Variants in CDKAL1 observed in about 807,000 individuals in gnomAD.
CDKAL1 encodes threonylcarbamoyladenosine tRNA methylthiotransferase.
CDKAL1 carries 32 observed loss-of-function variants against 68.2 expected under a neutral mutation model. That is an observed-to-expected ratio of 0.47 (90% CI 0.35 to 0.63). The LOEUF is 0.63. CDKAL1 is among the 30% of genes least tolerant of loss of function. The pLI, the probability that CDKAL1 is intolerant of heterozygous loss-of-function variation, is 0.00. For synonymous variants in CDKAL1, 234 were observed against 244.3 expected (o/e 0.96, Z 0.39); for missense variants, 606 against 696.7 (o/e 0.87, Z 1.47).
At chr6:20,627,963 TTATTC>T (rs558104086) in intron 4 of CDKAL1, among the ~76,000 whole-genome samples, 12 of 152,180 alleles carry the variant, frequency 7.9e-5, no homozygotes, top group Non-Finnish European at 1.8e-4. Flanking sequence ...AGAAGTCACT[TTATTC>T]TAGGAGTTTT....
At chr6:20,822,569 C>T (rs750763823) in intron 8 of CDKAL1, among the ~76,000 whole-genome samples, 1 of 152,156 alleles carries the variant, frequency 6.6e-6, no homozygotes, top group Non-Finnish European at 1.5e-5. Context: ...GTGTCCTCAC[C>T]CAAATCTCAT....
chr6:20,766,846 A>G (rs961411882), intron 7 of CDKAL1, among the ~76,000 whole-genome samples: 3 of 152,120 alleles, frequency 2.0e-5, no homozygotes, highest in Non-Finnish European at 2.9e-5. Flanking sequence ...AATCCCAGAA[A>G]GAATTTGTAT....
chr6:21,212,159 G>A (rs902713377), intron 15 of CDKAL1, among the ~76,000 whole-genome samples: 1 of 152,156 alleles, frequency 6.6e-6, no homozygotes, highest in South Asian at 2.1e-4. Flanking sequence ...GTCTGCCCAC[G>A]ACTGGCTCCA....
At chr6:21,075,495 A>G (rs974631005) in intron 12 of CDKAL1, among the ~76,000 whole-genome samples, 1 of 152,194 alleles carries the variant, frequency 6.6e-6, no homozygotes, top group Admixed American at 6.5e-5. Context: ...AAAAAAGAGT[A>G]TAATCCTCTT....
At chr6:21,146,078 A>G (rs923036723) in intron 13 of CDKAL1, among the ~76,000 whole-genome samples, 2 of 152,178 alleles carry the variant, frequency 1.3e-5, no homozygotes, top group Non-Finnish European at 2.9e-5. Flanking sequence ...CTAAACTGCT[A>G]ATATCCAATG....
chr6:20,682,144 A>G (rs1770407720), intron 5 of CDKAL1, among the ~76,000 whole-genome samples: 1 of 152,186 alleles, frequency 6.6e-6, no homozygotes. Context: ...ATTGTAGCAT[A>G]TGAATTTGGG....
At chr6:20,555,502 G>A (rs970237757) in intron 4 of CDKAL1, among the ~76,000 whole-genome samples, 1 of 151,570 alleles carries the variant, frequency 6.6e-6, no homozygotes, top group African/African-American at 2.4e-5. Flanking sequence ...TGAATTTTTA[G>A]TGGAGACGGG....
chr6:21,001,662 G>A (rs1003827566), intron 11 of CDKAL1, among the ~76,000 whole-genome samples: 5 of 152,176 alleles, frequency 3.3e-5, no homozygotes, highest in African/African-American at 9.7e-5. Flanking sequence ...TTAGGCTAAA[G>A]AATATAGATT....
At chr6:20,881,506 T>C (rs1581755244) in intron 9 of CDKAL1, among the ~76,000 whole-genome samples, 1 of 152,374 alleles carries the variant, frequency 6.6e-6, no homozygotes, top group African/African-American at 2.4e-5. Context: ...TCTAACTTGA[T>C]CTCTTTTACA....
intron 4 of CDKAL1, among the ~76,000 whole-genome samples, chr6:20,562,863 T>C (rs1764322220): frequency 6.6e-6 from 1 of 152,214 alleles, no homozygotes; most frequent in African/African-American, 2.4e-5. Flanking sequence ...GAATATACGG[T>C]AGACAAGAGG....
chr6:20,966,735 A>G (rs1285986478), intron 10 of CDKAL1, among the ~76,000 whole-genome samples: 1 of 152,192 alleles, frequency 6.6e-6, no homozygotes, highest in Non-Finnish European at 1.5e-5. Context: ...GTTTAATGTT[A>G]AAATATTTTT....
chr6:21,026,150 CATAGAAGCA>C (rs1768942617), intron 11 of CDKAL1, among the ~76,000 whole-genome samples: 1 of 151,950 alleles, frequency 6.6e-6, no homozygotes. Flanking sequence ...AGGTGGAGAT[CATAGAAGCA>C]AGTTAAAATT....
chr6:20,949,909 C>T (rs1183579936), intron 9 of CDKAL1, among the ~76,000 whole-genome samples: 1 of 152,016 alleles, frequency 6.6e-6, no homozygotes, highest in African/African-American at 2.4e-5. Flanking sequence ...CCTGTCTCAG[C>T]CTCCCAGGTA....
intron 8 of CDKAL1, among the ~76,000 whole-genome samples, chr6:20,807,212 C>T (rs1776607266): frequency 6.6e-6 from 1 of 151,744 alleles, no homozygotes; most frequent in Non-Finnish European, 1.5e-5. Flanking sequence ...TTTTTGAGGT[C>T]AGGGCCAAAA....
At chr6:20,618,264 G>A (rs1476521280) in intron 4 of CDKAL1, among the ~76,000 whole-genome samples, 4 of 152,086 alleles carry the variant, frequency 2.6e-5, no homozygotes, top group African/African-American at 9.7e-5. Context: ...TGATGGGGTT[G>A]TTTTTTTCTT....
chr6:20,804,857 G>C lies in CDKAL1; in HGVS notation c.638+23592G>C, dbSNP rs536733499. Among the ~76,000 whole-genome samples the C allele has an allele frequency of 2.6e-5, 4 of 152,236 alleles. No homozygotes were observed. In the South Asian group the frequency reaches 8.3e-4, roughly 32 times the overall value. ...TTTCCTGCCTGGAGTACAAACGCCT[G>C]CTTTCCTTCTGCTAGTCTACTGTTT... On this transcript the variant is annotated intron_variant, in intron 8 of 15. Transcript: ENST00000274695.
chr6:21,138,323 C>G (rs1360798261), intron 13 of CDKAL1, among the ~76,000 whole-genome samples: 1 of 152,046 alleles, frequency 6.6e-6, no homozygotes, highest in Non-Finnish European at 1.5e-5. Flanking sequence ...TAACCCAGAG[C>G]TTTTTAAATG....
At chr6:20,632,914 C>T (rs952336753) in intron 4 of CDKAL1, among the ~76,000 whole-genome samples, 7 of 152,110 alleles carry the variant, frequency 4.6e-5, no homozygotes, top group African/African-American at 1.4e-4. Context: ...GTGACGTGTA[C>T]ACTGCTCTAT....
At chr6:20,608,644 T>G (rs1038583591) in intron 4 of CDKAL1, among the ~76,000 whole-genome samples, 1 of 152,172 alleles carries the variant, frequency 6.6e-6, no homozygotes, top group African/African-American at 2.4e-5. Flanking sequence ...AATGCGAATA[T>G]GTCTGAAGTT....
Sources: allele counts gnomAD v4.1 joint callset (sites outside exome capture counted in the v4.1 genomes callset), GRCh38; gene constraint gnomAD v4.1.1; transcripts MANE v1.5; gene names NCBI Gene and HGNC (gene_info 2026-07-23, HGNC 2026-07-21).